UNC13C: variants seen among roughly 807,000 people sequenced by gnomAD.
UNC13C encodes the protein protein unc-13 homolog C.
UNC13C carries 174 observed loss-of-function variants against 245.4 expected under a neutral mutation model. The ratio of observed to expected loss-of-function variants is 0.71; its 90% confidence interval spans 0.63 to 0.80. The LOEUF is 0.80. Among genes scored for constraint, UNC13C ranks in the 30% least tolerant of loss-of-function variants. The pLI, the probability that UNC13C is intolerant of heterozygous loss-of-function variation, is 0.00. For missense variants in UNC13C, 2,829 were observed against 2,602.9 expected, an observed-to-expected ratio of 1.09 and a Z score of -1.89; for synonymous variants, 992 against 895.1, an observed-to-expected ratio of 1.11 and a Z score of -1.93.
chr15:54,392,918 G>C, intron 17 of UNC13C, 130 bp from the exon 18 acceptor site: 2 of 1,101,764 alleles, frequency 1.8e-6, no homozygotes, highest in Non-Finnish European at 2.5e-6. Context: ...GAGTTTAACA[G>C]CTTTGACTCC....
intron 15 of UNC13C, 85 bp from the exon 16 acceptor site, chr15:54,333,682 T>A (rs960003085): frequency 3.7e-6 from 3 of 811,682 alleles, no homozygotes; most frequent in Non-Finnish European, 6.1e-6. Flanking sequence ...TTCCATTTTC[T>A]TTCATGAGAA....
chr15:54,010,834 A>G (rs1275847856), intron 1 of UNC13C, among the ~76,000 whole-genome samples: 1 of 152,162 alleles, frequency 6.6e-6, no homozygotes, highest in African/African-American at 2.4e-5. Flanking sequence ...CACATGATCT[A>G]GAATGACTCC....
intron 30 of UNC13C, among the ~76,000 whole-genome samples, chr15:54,581,927 G>A (rs1392976722): frequency 1.3e-5 from 2 of 152,142 alleles, no homozygotes; most frequent in Middle Eastern, 3.2e-3. Context: ...GCTCAAGAAT[G>A]TGGAGGCTGG....
intron 10 of UNC13C, among the ~76,000 whole-genome samples, chr15:54,288,989 A>G (rs2037221256): frequency 1.3e-5 from 2 of 151,952 alleles, no homozygotes; most frequent in African/African-American, 2.4e-5. Flanking sequence ...TGACTCGAAG[A>G]CCTCTTAAAG....
intron 8 of UNC13C, among the ~76,000 whole-genome samples, chr15:54,263,426 A>G (rs1407479857): frequency 6.6e-6 from 1 of 152,190 alleles, no homozygotes; most frequent in Non-Finnish European, 1.5e-5. Flanking sequence ...TAGGGATCCA[A>G]TAATGGAATT....
At chr15:53,887,391 G>C in the UNC13C span, among the ~76,000 whole-genome samples, 1 of 152,024 alleles carries the variant, frequency 6.6e-6, no homozygotes, top group Non-Finnish European at 1.5e-5. Flanking sequence ...AAGTATATTA[G>C]GGGTAAAATA....
At chr15:54,230,475 A>G (rs1015028568) in intron 4 of UNC13C, among the ~76,000 whole-genome samples, 14 of 147,144 alleles carry the variant, frequency 9.5e-5, no homozygotes, top group African/African-American at 3.5e-4. Flanking sequence ...ATAATAATTA[A>G]TCTCTACTTA....
At chr15:54,537,024 A>T (rs958090374) in intron 26 of UNC13C, among the ~76,000 whole-genome samples, 7 of 152,174 alleles carry the variant, frequency 4.6e-5, no homozygotes, top group African/African-American at 1.7e-4. Flanking sequence ...CCAAATAGGA[A>T]GAGAGAAAGT....
intron 1 of UNC13C, among the ~76,000 whole-genome samples, chr15:53,988,880 T>C (rs1048682880): frequency 6.6e-6 from 1 of 152,038 alleles, no homozygotes; most frequent in African/African-American, 2.4e-5. Context: ...AATATGAAGC[T>C]GGTGCCCAGT....
At chr15:54,089,932 G>C (rs747309207) in intron 2 of UNC13C, among the ~76,000 whole-genome samples, 1 of 152,114 alleles carries the variant, frequency 6.6e-6, no homozygotes, top group South Asian at 2.1e-4. Flanking sequence ...GTGCTGCTTC[G>C]GTCCTCAGTG....
chr15:54,137,407 G>C (rs893152569), intron 2 of UNC13C, among the ~76,000 whole-genome samples: 2 of 152,148 alleles, frequency 1.3e-5, no homozygotes, highest in African/African-American at 2.4e-5. Context: ...AAGAGTTTGA[G>C]AAATACTGGT....
chr15:53,963,982 G>A, the UNC13C span, among the ~76,000 whole-genome samples: 1 of 152,118 alleles, frequency 6.6e-6, no homozygotes, highest in Non-Finnish European at 1.5e-5. Flanking sequence ...GCAGGATTTG[G>A]GGAAGAACAC....
intron 2 of UNC13C, among the ~76,000 whole-genome samples, chr15:54,064,503 T>C (rs1450674032): frequency 1.3e-5 from 2 of 152,220 alleles, no homozygotes; most frequent in African/African-American, 4.8e-5. Context: ...TTTCATTCAA[T>C]ATGCACGTGG....
At chr15:54,343,354 A>G (rs1204107028) in intron 17 of UNC13C, among the ~76,000 whole-genome samples, 1 of 152,034 alleles carries the variant, frequency 6.6e-6, no homozygotes, top group Non-Finnish European at 1.5e-5. Flanking sequence ...GCTGGGCTCG[A>G]ACTCCTGACC....
At chr15:54,396,353 C>A (rs927391907) in intron 18 of UNC13C, among the ~76,000 whole-genome samples, 3 of 151,632 alleles carry the variant, frequency 2.0e-5, no homozygotes, top group Admixed American at 6.6e-5. Flanking sequence ...ATCATAAATT[C>A]TCTCCATTCT....
intron 2 of UNC13C, among the ~76,000 whole-genome samples, chr15:54,127,254 A>G (rs967736402): frequency 6.6e-6 from 1 of 152,232 alleles, no homozygotes; most frequent in African/African-American, 2.4e-5. Flanking sequence ...ACACATGCAC[A>G]CATATGTTTA....
At chr15:54,169,248 C>T (rs2033294276) in intron 4 of UNC13C, among the ~76,000 whole-genome samples, 1 of 152,154 alleles carries the variant, frequency 6.6e-6, no homozygotes, top group Non-Finnish European at 1.5e-5. Flanking sequence ...TGGACCATTT[C>T]CCAAGCCTAT....
At chr15:53,891,499 A>C in the UNC13C span, among the ~76,000 whole-genome samples, 1 of 151,938 alleles carries the variant, frequency 6.6e-6, no homozygotes, top group African/African-American at 2.4e-5. Context: ...TGGGAGTCTA[A>C]GTCTGTAGGT....
the UNC13C span, among the ~76,000 whole-genome samples, chr15:53,886,035 G>A: frequency 1.3e-5 from 2 of 152,176 alleles, no homozygotes; most frequent in Non-Finnish European, 2.9e-5. Context: ...TAACGAAGAG[G>A]AAGAGGCTGG....
Sources: allele counts gnomAD v4.1 joint callset (sites outside exome capture counted in the v4.1 genomes callset), GRCh38; gene constraint gnomAD v4.1.1; transcripts MANE v1.5; gene names NCBI Gene and HGNC (gene_info 2026-07-23, HGNC 2026-07-21).